TP63: variants seen among roughly 807,000 people sequenced by gnomAD.
TP63 encodes the protein tumor protein 63.
Under a neutral mutation model 82.8 loss-of-function variants are expected in TP63, and 17 were observed. The observed-to-expected ratio is 0.21, with a 90% CI of 0.14 to 0.31. TP63 has a LOEUF of 0.31. Ranked by LOEUF, TP63 falls within the 10% of genes least tolerant of loss-of-function variation. TP63 has a pLI of 1.00. For missense variants in TP63, 648 were observed against 895.3 expected (o/e 0.72, Z 3.52); for synonymous variants, 330 against 321.7 (o/e 1.03, Z -0.28).
chr3:189,611,032 A>G, the TP63 span, among the ~76,000 whole-genome samples: 41 of 152,214 alleles, frequency 2.7e-4, no homozygotes, highest in Non-Finnish European at 4.3e-4. Context: ...ATTACCTCCA[A>G]TTGGATCCCT....
chr3:189,871,731 G>A (rs533337593), intron 9 of TP63, among the ~76,000 whole-genome samples: 2 of 151,846 alleles, frequency 1.3e-5, no homozygotes, highest in East Asian at 3.9e-4. Flanking sequence ...TTTGGTTTTT[G>A]TTTGTTTTGA....
intron 1 of TP63, among the ~76,000 whole-genome samples, chr3:189,734,274 C>A (rs56069876): frequency 2.0e-5 from 3 of 149,100 alleles, no homozygotes; most frequent in Non-Finnish European, 4.4e-5. Context: ...TGGGTTCAAG[C>A]GATTCTCCTG....
At chr3:189,815,741 G>C (rs1728115606) in intron 4 of TP63, among the ~76,000 whole-genome samples, 1 of 152,028 alleles carries the variant, frequency 6.6e-6, no homozygotes, top group Non-Finnish European at 1.5e-5. Flanking sequence ...TTAATTGGAA[G>C]TTAGTTATTA....
intron 10 of TP63, among the ~76,000 whole-genome samples, chr3:189,884,066 G>A (rs1053759224): frequency 6.6e-6 from 1 of 152,148 alleles, no homozygotes; most frequent in South Asian, 2.1e-4. Flanking sequence ...AGATAGAGAG[G>A]TCTCCTCAGG....
At chr3:189,862,388 G>A (rs372512376) in intron 4 of TP63, among the ~76,000 whole-genome samples, 5 of 151,768 alleles carry the variant, frequency 3.3e-5, no homozygotes, top group African/African-American at 9.7e-5. Context: ...AGCACTTGAC[G>A]ATCCTTAATT....
At chr3:189,774,820 C>G (rs1723654267) in intron 3 of TP63, among the ~76,000 whole-genome samples, 1 of 152,128 alleles carries the variant, frequency 6.6e-6, no homozygotes, top group Admixed American at 6.5e-5. Flanking sequence ...AGCAAATCAT[C>G]TGTTACTATG....
In TP63 at chr3:189,636,023, A is replaced by C. The variant is rs80245302; in HGVS notation, c.62+4446A>C. Among the ~76,000 whole-genome samples, 44 of 152,270 alleles carry C rather than the reference A, an allele frequency of 2.9e-4. No homozygotes were observed. The East Asian group carries it at 7.9e-3, about 27-fold the overall frequency. On this transcript the variant is annotated intron_variant, in intron 1 of 13. Transcript: ENST00000264731. ...AATGAGCCAACATGCTACAGTCTGC[A>C]TATGTTGTTTATACACAGTTGTTTA...
At chr3:189,686,599 T>A (rs929842747) in intron 1 of TP63, among the ~76,000 whole-genome samples, 1 of 144,118 alleles carries the variant, frequency 6.9e-6, no homozygotes, top group Non-Finnish European at 1.5e-5. Flanking sequence ...AATAAATAAA[T>A]AAATAAATAA....
chr3:189,795,026 T>C (rs1725553783), intron 3 of TP63, among the ~76,000 whole-genome samples: 1 of 152,100 alleles, frequency 6.6e-6, no homozygotes, highest in South Asian at 2.1e-4. Flanking sequence ...CCTGCTATTC[T>C]AGCATAATTA....
At chr3:189,707,090 A>G (rs973570597) in intron 1 of TP63, among the ~76,000 whole-genome samples, 2 of 152,176 alleles carry the variant, frequency 1.3e-5, no homozygotes, top group Admixed American at 6.5e-5. Context: ...GTTGTATCTT[A>G]GAACCATACT....
intron 3 of TP63, among the ~76,000 whole-genome samples, chr3:189,742,830 A>G (rs560210832): frequency 6.6e-6 from 1 of 152,336 alleles, no homozygotes; most frequent in Non-Finnish European, 1.5e-5. Context: ...ATGTGTTTTT[A>G]TAAAGCACAG....
chr3:189,836,450 C>T (rs956401110), intron 4 of TP63, among the ~76,000 whole-genome samples: 7 of 152,230 alleles, frequency 4.6e-5, no homozygotes, highest in African/African-American at 1.7e-4. Flanking sequence ...TAGGGTTGGG[C>T]AAAGCAAAGC....
chr3:189,745,816 C>A (rs184051653), intron 3 of TP63, among the ~76,000 whole-genome samples: 1 of 142,030 alleles, frequency 7.0e-6, no homozygotes, highest in Non-Finnish European at 1.5e-5. Flanking sequence ...CTAGATCAAG[C>A]AGAAGAAAGG....
chr3:189,791,901 T>TGAC (rs1725180356), intron 3 of TP63, among the ~76,000 whole-genome samples: 1 of 152,076 alleles, frequency 6.6e-6, no homozygotes, highest in Non-Finnish European at 1.5e-5. Flanking sequence ...TTATGTTTAT[T>TGAC]AGTAACTGTC....
intron 3 of TP63, among the ~76,000 whole-genome samples, chr3:189,793,909 G>A (rs1470375703): frequency 1.3e-5 from 2 of 152,062 alleles, no homozygotes; most frequent in East Asian, 1.9e-4. Context: ...CCAATTTAGT[G>A]GAACCTACAA....
chr3:189,793,626 A>G (rs1725388179), intron 3 of TP63, among the ~76,000 whole-genome samples: 1 of 152,070 alleles, frequency 6.6e-6, no homozygotes, highest in South Asian at 2.1e-4. Flanking sequence ...GAGCTGGTAG[A>G]ATAGAGGGGC....
At chr3:189,892,994 C>T (rs1475769145) in intron 13 of TP63, among the ~76,000 whole-genome samples, 1 of 152,074 alleles carries the variant, frequency 6.6e-6, no homozygotes, top group African/African-American at 2.4e-5. Context: ...TCAGCTTCTT[C>T]CTGCGTATTT....
At chr3:189,671,394 C>G (rs1434611104) in intron 1 of TP63, among the ~76,000 whole-genome samples, 1 of 151,942 alleles carries the variant, frequency 6.6e-6, no homozygotes, top group Non-Finnish European at 1.5e-5. Flanking sequence ...ATCACAAATG[C>G]TGGTGAGGAT....
At chr3:189,764,237 G>A (rs1576902172) in intron 3 of TP63, among the ~76,000 whole-genome samples, 1 of 152,114 alleles carries the variant, frequency 6.6e-6, no homozygotes, top group Non-Finnish European at 1.5e-5. Flanking sequence ...CTATTTCTTG[G>A]AGTAAGAATA....
Sources: allele counts gnomAD v4.1 joint callset (sites outside exome capture counted in the v4.1 genomes callset), GRCh38; gene constraint gnomAD v4.1.1; transcripts MANE v1.5; gene names NCBI Gene and HGNC (gene_info 2026-07-23, HGNC 2026-07-21).